The following HEPHL1 variants were observed in gnomAD, a reference collection of about 807,000 sequenced individuals.
HEPHL1 encodes ferroxidase HEPHL1.
HEPHL1 carries 123 observed loss-of-function variants against 122.0 expected under a neutral mutation model. That is an observed-to-expected ratio of 1.01 (90% CI 0.87 to 1.17). The LOEUF (loss-of-function observed/expected upper bound fraction) is 1.17. HEPHL1 is among the 50% of genes most tolerant of loss of function. The probability of loss-of-function intolerance (pLI) is 0.00; values close to 1 mark genes in which losing one functional copy is unlikely to be tolerated. For missense variants in HEPHL1, 1,452 were observed against 1,430.5 expected (o/e 1.01, Z -0.24); for synonymous variants, 527 against 508.9 (o/e 1.04, Z -0.48).
At chr11:94,064,928 C>T (rs961232855) in intron 4 of HEPHL1, among the ~76,000 whole-genome samples, 8 of 152,100 alleles carry the variant, frequency 5.3e-5, no homozygotes, top group Non-Finnish European at 8.8e-5. Flanking sequence ...TTTTCTGAGC[C>T]GCTGATAAAT....
chr11:94,089,713 TC>T (rs1326972643), intron 12 of HEPHL1, among the ~76,000 whole-genome samples: 1 of 152,136 alleles, frequency 6.6e-6, no homozygotes, highest in African/African-American at 2.4e-5. Flanking sequence ...CCAGGGCTAA[TC>T]CCCTCCCTCC....
At chr11:94,055,586 G>A (rs1397609062) in intron 2 of HEPHL1, 6 of 299,174 alleles carry the variant, frequency 2.0e-5, no homozygotes, top group South Asian at 6.2e-5. Flanking sequence ...GTAAGCAATC[G>A]GTAACATGAG....
intron 2 of HEPHL1, among the ~76,000 whole-genome samples, chr11:94,058,295 ATCAATTTTGTCTAACTTTATAGT>A (rs1945956939): frequency 6.6e-6 from 1 of 152,090 alleles, no homozygotes; most frequent in African/African-American, 2.4e-5. Flanking sequence ...TTTTTTTTAA[ATCAATTTTGTCTAACTTTATAGT>A]TGCTTTTTTG....
intron 1 of HEPHL1, among the ~76,000 whole-genome samples, chr11:94,023,657 G>A (rs1302331731): frequency 6.6e-6 from 1 of 152,234 alleles, no homozygotes; most frequent in African/African-American, 2.4e-5. Flanking sequence ...TAGTGCGTTT[G>A]TTCTTAGAAG....
At chr11:94,074,281 C>T (rs1178253524) in intron 8 of HEPHL1, among the ~76,000 whole-genome samples, 1 of 152,040 alleles carries the variant, frequency 6.6e-6, no homozygotes, top group African/African-American at 2.4e-5. Flanking sequence ...GGTCAAAATA[C>T]CAAAATGGCT....
chr11:94,078,121 G>T (rs1401185), intron 9 of HEPHL1, among the ~76,000 whole-genome samples: 147,201 of 152,140 alleles, frequency 0.97, 71,413 homozygotes, highest in East Asian at 1. Flanking sequence ...TTGTTGACAT[G>T]CAACAAATAT....
intron 12 of HEPHL1, among the ~76,000 whole-genome samples, chr11:94,093,228 A>G (rs1019394764): frequency 7.9e-5 from 12 of 151,996 alleles, no homozygotes; most frequent in African/African-American, 2.9e-4. Flanking sequence ...GGTTGGCCCT[A>G]CTCAGTGCTT....
In HEPHL1 at chr11:94,021,467, T is replaced by C. The variant is rs779084845; in HGVS notation, c.99T>C (p.Ile33=). Residue 33 remains isoleucine, a synonymous_variant, in exon 1 of 20, where the codon ATT becomes ATC. Coordinates refer to ENST00000315765, the MANE Select transcript of HEPHL1 (RefSeq NM_001098672.2). ...GTVTRTYYIG[I]VEEYWNYVPQ... is the part of the protein sequence containing the mutation. ...TTACCAGAACGTACTACATTGGGAT[T>C]GTGGAAGAATACTGGAACTATGTAC... 1.2e-6 allele frequency: 2 copies of C among 1,613,374 alleles called. No homozygotes were observed. Among genetic ancestry groups the C allele is most frequent in the South Asian group, 1.1e-5 (1 of 91,044 alleles).
intron 13 of HEPHL1, among the ~76,000 whole-genome samples, chr11:94,096,232 GCTGTTGAATTTTTT>G (rs1308693695): frequency 1.7e-4 from 26 of 152,124 alleles, no homozygotes; most frequent in African/African-American, 5.3e-4. Flanking sequence ...AGCATGAAGC[GCTGTTGAATTTTTT>G]CTAAGGTCTG....
At position 94,099,505 on chromosome 11, in the gene HEPHL1, C is replaced by T. The variant is rs570446949; in HGVS notation, c.2435-1690C>T. 7.9e-5 allele frequency among the ~76,000 whole-genome samples: 12 copies of T among 152,320 alleles called. No homozygotes were observed. In the South Asian group the frequency reaches 2.5e-3, roughly 32 times the overall value. On this transcript the variant is annotated intron_variant, in intron 13 of 19. Coordinates refer to ENST00000315765, the MANE Select transcript of HEPHL1 (RefSeq NM_001098672.2). The stretch of plus-strand genomic sequence containing the variant: ...AGTCTGACCATTCTCAGATCTCAAA[C>T]TCTGTGCTGGGAGAACCACTACTCT...
rs541766021 is a variant in HEPHL1 at position 94,077,372 on chromosome 11, T to C, written c.1716+1987T>C. ...TCCTCTTTCCCCCATGATTAATTTCTTTAAATTTTTTTTATTTTTAATTTT... is the reference window on the plus strand; with the variant it reads ...TCCTCTTTCCCCCATGATTAATTTCCTTAAATTTTTTTTATTTTTAATTTT... On this transcript the variant is annotated intron_variant, in intron 9 of 19. Coordinates refer to ENST00000315765, the MANE Select transcript of HEPHL1 (RefSeq NM_001098672.2). Among the ~76,000 whole-genome samples the C allele has an allele frequency of 2.3e-3, 352 of 152,316 alleles. 3 individuals carry two copies. The highest frequency in any genetic ancestry group is 3.9e-3 in the Non-Finnish European group (262 of 68,034).
At chr11:94,036,857 AGGG>A in intron 1 of HEPHL1, among the ~76,000 whole-genome samples, 1 of 149,590 alleles carries the variant, frequency 6.7e-6, no homozygotes, top group African/African-American at 2.4e-5. Context: ...AAAAAAAAAA[AGGG>A]AGGAGCCAAG....
Position 94,112,189 on chromosome 11 carries a change from A to T in HEPHL1, c.*295A>T. ...GATTCACTGAATAGGAGACACTCTG[A>T]AAGATATCTTTATATTCCATCTTTT... On this transcript the variant is annotated 3_prime_UTR_variant, in exon 20 of 20. Transcript: ENST00000315765. 1 of 246,564 alleles carries T rather than the reference A, an allele frequency of 4.1e-6. No homozygotes were observed. The allele number at this position is 246,564 out of a possible 1,614,324, so 15.3% of individuals were successfully genotyped here. A position where few individuals can be genotyped will look rare whatever the true frequency, so the allele number is the denominator to read the frequency against.
At chr11:94,072,970 G>A in intron 6 of HEPHL1, 55 bp from the exon 7 acceptor site, 1 of 1,528,638 alleles carries the variant, frequency 6.5e-7, no homozygotes, top group Non-Finnish European at 9.0e-7. Context: ...TATAATTAAA[G>A]TATTTGGTGG....
At position 94,088,857 on chromosome 11, in the gene HEPHL1, G is replaced by T. The variant is rs772646300; in HGVS notation, c.2183G>T (p.Arg728Leu). Reference sequence around the variant, plus strand: ...GACAACAGGGACCCTTCTGAGCAGCGGTACGGGATGATAAGAACTTTTTAC... The same window carrying T: ...GACAACAGGGACCCTTCTGAGCAGCTGTACGGGATGATAAGAACTTTTTAC... ...SCDNRDPSEQ[R>L]YGMIRTFYIA... Residue 728 changes from arginine (R) to leucine (L), a missense_variant, in exon 12 of 20, where the codon CGG (arginine) becomes CTG (leucine). Arg to Leu is a moderately radical substitution (Grantham distance 102). Coordinates refer to ENST00000315765, the MANE Select transcript of HEPHL1 (RefSeq NM_001098672.2). The T allele has an allele frequency of 1.9e-6, 3 of 1,613,972 alleles. No individual in the cohort carries two copies. Among genetic ancestry groups the T allele is most frequent in the Non-Finnish European group, 2.5e-6 (3 of 1,179,876 alleles).
At chr11:94,095,113 G>A (rs539762018) in intron 13 of HEPHL1, among the ~76,000 whole-genome samples, 1 of 152,232 alleles carries the variant, frequency 6.6e-6, no homozygotes, top group South Asian at 2.1e-4. Flanking sequence ...TTCTTCTAGG[G>A]TTTTTATGGT....
intron 1 of HEPHL1, among the ~76,000 whole-genome samples, chr11:94,044,264 T>C (rs896603085): frequency 1.5e-4 from 23 of 152,106 alleles, no homozygotes; most frequent in Admixed American, 1.4e-3. Context: ...GGAAGGCATC[T>C]GGTCATCTCA....
intron 13 of HEPHL1, among the ~76,000 whole-genome samples, chr11:94,096,799 T>C (rs1306010374): frequency 2.0e-5 from 3 of 152,246 alleles, no homozygotes; most frequent in Non-Finnish European, 4.4e-5. Context: ...TTCTAGTTTA[T>C]TTGCATAGAG....
chr11:94,054,735 A>T (rs564899443), intron 2 of HEPHL1, among the ~76,000 whole-genome samples: 11 of 152,190 alleles, frequency 7.2e-5, no homozygotes, highest in Admixed American at 5.2e-4. Flanking sequence ...CAATTGCAGT[A>T]CCTAGGCTGG....
Sources: gnomAD v4.1 joint callset for allele counts (sites outside exome capture counted in the v4.1 genomes callset) on GRCh38, gnomAD v4.1.1 for gene constraint, MANE v1.5 for transcripts, NCBI Gene and HGNC (gene_info 2026-07-23, HGNC 2026-07-21) for gene names.